The following ANXA4 variants were observed in gnomAD, a reference collection of about 807,000 sequenced individuals.
The protein encoded by ANXA4 is 35-beta calcimedin.
A neutral mutation model predicts 49.8 loss-of-function variants in ANXA4; 39 were observed. The observed-to-expected ratio is 0.78, with a 90% CI of 0.61 to 1.02. The LOEUF is 1.02. Ranked by LOEUF, ANXA4 falls within the 50% of genes least tolerant of loss-of-function variation. The pLI is 0.00. For missense variants in ANXA4, 360 were observed against 410.1 expected (o/e 0.88, Z 1.05); for synonymous variants, 134 against 152.5 (o/e 0.88, Z 0.89).
rs759441724 is a variant in ANXA4, at chr2:69,820,793, A to G, written c.878A>G (p.Tyr293Cys). 69 of 1,613,978 alleles carry G rather than the reference A, an allele frequency of 4.3e-5. 1 individual carries two copies. Among genetic ancestry groups the G allele is most frequent in the South Asian group, 1.2e-4 (11 of 91,084 alleles). The change falls in exon 12 of 13, where the codon TAT (tyrosine) becomes TGT (cysteine). Residue 293 changes from tyrosine to cysteine, a missense_variant. Tyr to Cys is a radical substitution (Grantham distance 194). Transcript: ENST00000394295. ...LDIRAHFKRL[Y>C]GKSLYSFIKG... Reference sequence around the variant, plus strand: ...ATCCGGGCACACTTCAAGAGACTCTATGGAAAGTCTCTGTACTCGTTCATC... The same window carrying G: ...ATCCGGGCACACTTCAAGAGACTCTGTGGAAAGTCTCTGTACTCGTTCATC...
intron 1 of ANXA4, among the ~76,000 whole-genome samples, chr2:69,757,256 ATATATATATAT>A (rs1225432016): frequency 5.0e-4 from 25 of 50,034 alleles, no homozygotes; most frequent in Admixed American, 7.6e-4. Flanking sequence ...ATATATATAT[ATATATATATAT>A]TTTTTTTTTT....
At chr2:69,682,289 G>A (rs1040033213) in intron 2 of ANXA4, among the ~76,000 whole-genome samples, 1 of 151,896 alleles carries the variant, frequency 6.6e-6, no homozygotes, top group Non-Finnish European at 1.5e-5. Context: ...GTTTTCGTAC[G>A]TTCTATGTCA....
upstream of ANXA4, among the ~76,000 whole-genome samples, chr2:69,741,176 G>A (rs1670384541): frequency 6.6e-6 from 1 of 152,146 alleles, no homozygotes; most frequent in African/African-American, 2.4e-5. Flanking sequence ...AGATTTTGAT[G>A]TGTCGGATGG....
chr2:69,776,822 T>C (rs1373764126), intron 1 of ANXA4, among the ~76,000 whole-genome samples: 3 of 152,190 alleles, frequency 2.0e-5, no homozygotes, highest in Non-Finnish European at 4.4e-5. Context: ...AAAGCTGTCC[T>C]GGGCCACATG....
chr2:69,796,464 G>C (rs1222587485), intron 3 of ANXA4, among the ~76,000 whole-genome samples: 1 of 152,200 alleles, frequency 6.6e-6, no homozygotes, highest in Non-Finnish European at 1.5e-5. Context: ...GGAGCTGCCT[G>C]CTTTTTGGCT....
rs1674445275 is a variant in ANXA4 at position 69,825,735 on chromosome 2, A to C, written c.*220A>C. The C allele has an allele frequency of 7.6e-6, 3 of 393,254 alleles. No individual in the cohort carries two copies. Among genetic ancestry groups the C allele is most frequent in the Non-Finnish European group, 1.3e-5 (3 of 222,288 alleles). The allele number at this position is 393,254 out of a possible 1,614,324, so 24.4% of individuals were successfully genotyped here. A position where few individuals can be genotyped will look rare whatever the true frequency, so the allele number is the denominator to read the frequency against. ...GCATTTCAAAGCTTATAAGATATAA[A>C]TGGAGATTTTAAAGTAGAAATAAAT... On this transcript the variant is annotated 3_prime_UTR_variant, in exon 13 of 13. Transcript: ENST00000394295.
At chr2:69,762,796 A>G (rs1339176082) in intron 1 of ANXA4, among the ~76,000 whole-genome samples, 1 of 152,016 alleles carries the variant, frequency 6.6e-6, no homozygotes, top group East Asian at 1.9e-4. Context: ...ATAGATCCCC[A>G]CATCAGACAG....
At chr2:69,684,247 A>G (rs1677702772) in intron 2 of ANXA4, among the ~76,000 whole-genome samples, 1 of 152,236 alleles carries the variant, frequency 6.6e-6, no homozygotes, top group African/African-American at 2.4e-5. Context: ...ATGTGGTGTC[A>G]CAACTCATGA....
chr2:69,732,126 C>A (rs994366484), intron 3 of ANXA4, among the ~76,000 whole-genome samples: 70 of 151,692 alleles, frequency 4.6e-4, no homozygotes, highest in African/African-American at 1.7e-3. Context: ...TACAGGCGCC[C>A]GCCACCACGC....
upstream of ANXA4, among the ~76,000 whole-genome samples, chr2:69,738,659 T>C (rs1670303767): frequency 6.6e-6 from 1 of 152,360 alleles, no homozygotes; most frequent in South Asian, 2.1e-4. Context: ...AACTTCTGCC[T>C]GGATGTCTTG....
chr2:69,673,711 C>T (rs917793787), intron 2 of ANXA4, among the ~76,000 whole-genome samples: 3 of 151,696 alleles, frequency 2.0e-5, no homozygotes, highest in Admixed American at 6.6e-5. Context: ...CACACACACA[C>T]ACACACACAC....
At chr2:69,823,252 A>T (rs1194163621) in intron 12 of ANXA4, among the ~76,000 whole-genome samples, 2 of 151,398 alleles carry the variant, frequency 1.3e-5, no homozygotes, top group African/African-American at 4.8e-5. Flanking sequence ...TAAATATGTA[A>T]ATATATGTGT....
chr2:69,749,595 A>T (rs1249024929), intron 1 of ANXA4, among the ~76,000 whole-genome samples: 2 of 152,156 alleles, frequency 1.3e-5, no homozygotes, highest in Non-Finnish European at 2.9e-5. Flanking sequence ...GATATTTTTT[A>T]AAAAGTAAAG....
intron 2 of ANXA4, among the ~76,000 whole-genome samples, chr2:69,699,046 G>A (rs1462485832): frequency 1.3e-5 from 2 of 152,248 alleles, no homozygotes; most frequent in African/African-American, 2.4e-5. Context: ...GGAAAGATTC[G>A]GGTGAGGGGG....
At chr2:69,750,501 C>G (rs1670793863) in intron 1 of ANXA4, among the ~76,000 whole-genome samples, 2 of 152,250 alleles carry the variant, frequency 1.3e-5, no homozygotes, top group African/African-American at 4.8e-5. Flanking sequence ...CAGCCTCAAA[C>G]TCCTGGGCGC....
intron 2 of ANXA4, among the ~76,000 whole-genome samples, chr2:69,683,776 A>G (rs1331605248): frequency 6.6e-6 from 1 of 152,226 alleles, no homozygotes; most frequent in African/African-American, 2.4e-5. Flanking sequence ...ACTTATGACA[A>G]CACTTAGATG....
At chr2:69,674,914 T>TG (rs1185199776) in intron 2 of ANXA4, among the ~76,000 whole-genome samples, 5 of 133,900 alleles carry the variant, frequency 3.7e-5, no homozygotes, top group South Asian at 4.9e-4. Flanking sequence ...TAACATAAAC[T>TG]GTTTTTTTTT....
chr2:69,782,383 T>A (rs1318487907), intron 2 of ANXA4, among the ~76,000 whole-genome samples: 2 of 152,350 alleles, frequency 1.3e-5, no homozygotes, highest in East Asian at 3.9e-4. Flanking sequence ...CATTAGATAT[T>A]CCAGAATTTT....
chr2:69,748,771 C>T (rs1670724620), intron 1 of ANXA4, among the ~76,000 whole-genome samples: 1 of 149,338 alleles, frequency 6.7e-6, no homozygotes, highest in Non-Finnish European at 1.5e-5. Context: ...AGTGTAGTGG[C>T]ATGATCGTGG....
Sources: gnomAD v4.1 joint callset for allele counts (sites outside exome capture counted in the v4.1 genomes callset) on GRCh38, gnomAD v4.1.1 for gene constraint, MANE v1.5 for transcripts, NCBI Gene and HGNC (gene_info 2026-07-23, HGNC 2026-07-21) for gene names.